ITGA8: variants seen among roughly 807,000 people sequenced by gnomAD.
ITGA8 encodes the protein integrin subunit alpha 8, also known as integrin alpha-8.
A neutral mutation model predicts 142.3 loss-of-function variants in ITGA8; 91 were observed. That is an observed-to-expected ratio of 0.64 (90% CI 0.54 to 0.76). ITGA8 has a LOEUF of 0.76. Ranked by LOEUF, ITGA8 falls within the 30% of genes least tolerant of loss-of-function variation. The pLI is 0.00. For missense variants in ITGA8, 1,406 were observed against 1,327.7 expected (o/e 1.06, Z -0.92); for synonymous variants, 505 against 485.2 (o/e 1.04, Z -0.54).
intron 2 of ITGA8, among the ~76,000 whole-genome samples, chr10:15,692,201 G>C (rs1006894562): frequency 6.6e-6 from 1 of 151,814 alleles, no homozygotes; most frequent in African/African-American, 2.4e-5. Context: ...CCAAAGTGCT[G>C]GGATTACAGG....
At position 15,517,590 on chromosome 10, in the gene ITGA8, C is replaced by T. The variant is rs1341681853; in HGVS notation, c.3106-346G>A. Reference sequence around the variant, plus strand: ...CCACCTGTCTCAGCTTCCCAAAGTGCTGGGATTACAGGCGTGAGCCACCAC... The same window carrying T: ...CCACCTGTCTCAGCTTCCCAAAGTGTTGGGATTACAGGCGTGAGCCACCAC... On this transcript the variant is annotated intron_variant, in intron 29 of 29. Coordinates refer to ENST00000378076, the MANE Select transcript of ITGA8 (RefSeq NM_003638.3). Among the ~76,000 whole-genome samples, 9 of 152,228 alleles carry T rather than the reference C, an allele frequency of 5.9e-5. No homozygotes were observed. The East Asian group carries it at 7.7e-4, about 13-fold the overall frequency.
intron 4 of ITGA8, 133 bp downstream of exon 4, chr10:15,683,870 TC>T (rs1422612455): frequency 1.0e-6 from 1 of 961,966 alleles, no homozygotes; most frequent in African/African-American, 1.6e-5. Flanking sequence ...CTGACAAAAA[TC>T]TTTACCTACC....
rs9333108 is a variant in ITGA8 at position 15,661,327 on chromosome 10, T to G, written c.848-405A>C. 8.9e-3 allele frequency among the ~76,000 whole-genome samples: 1,351 copies of G among 152,216 alleles called. 15 individuals carry two copies. The highest frequency in any genetic ancestry group is 0.029 in the African/African-American group (1,225 of 41,538). ...CTAACTAATGCCTGATGATCTGAGGTGAAACAGTTTCATCCCAAAACCATC... is the reference window on the plus strand; with the variant it reads ...CTAACTAATGCCTGATGATCTGAGGGGAAACAGTTTCATCCCAAAACCATC... On this transcript the variant is annotated intron_variant, in intron 8 of 29. Transcript: ENST00000378076.
intron 8 of ITGA8, among the ~76,000 whole-genome samples, chr10:15,666,645 G>T (rs966413311): frequency 1.3e-5 from 2 of 152,144 alleles, no homozygotes; most frequent in Non-Finnish European, 2.9e-5. Context: ...GTATGATATT[G>T]GCTGTGGGTT....
intron 7 of ITGA8, among the ~76,000 whole-genome samples, chr10:15,672,419 A>G (rs1303134142): frequency 1.3e-5 from 2 of 152,216 alleles, no homozygotes; most frequent in Non-Finnish European, 2.9e-5. Context: ...GGAGCCAACA[A>G]AATAGCTGCT....
At chr10:15,588,977 G>A (rs1832877810) in intron 22 of ITGA8, among the ~76,000 whole-genome samples, 1 of 152,184 alleles carries the variant, frequency 6.6e-6, no homozygotes, top group African/African-American at 2.4e-5. Flanking sequence ...TGTAAGAAAG[G>A]AACCAGGCTT....
At chr10:15,527,906 C>CATT (rs1477496379) in intron 28 of ITGA8, among the ~76,000 whole-genome samples, 1 of 78,036 alleles carries the variant, frequency 1.3e-5, no homozygotes, top group African/African-American at 5.3e-5. Context: ...TTCGGCTGGG[C>CATT]TTTTTTTTTT....
intron 2 of ITGA8, among the ~76,000 whole-genome samples, chr10:15,700,311 G>A (rs889600035): frequency 2.0e-5 from 3 of 152,098 alleles, no homozygotes; most frequent in Admixed American, 2.0e-4. Flanking sequence ...GCCCCTGATT[G>A]CTTCTCCAAT....
At chr10:15,707,961 G>C (rs11253610) in intron 2 of ITGA8, among the ~76,000 whole-genome samples, 5 of 144,872 alleles carry the variant, frequency 3.5e-5, no homozygotes, top group South Asian at 2.3e-4. Flanking sequence ...TGCACACACC[G>C]ACACACACAC....
intron 21 of ITGA8, among the ~76,000 whole-genome samples, chr10:15,594,027 A>G (rs1832971811): frequency 6.6e-6 from 1 of 151,880 alleles, no homozygotes; most frequent in African/African-American, 2.4e-5. Flanking sequence ...TTTTTAGAAG[A>G]GACGGGGTTT....
At chr10:15,635,918 TACACACACAC>T (rs4030579) in intron 13 of ITGA8, among the ~76,000 whole-genome samples, 14 of 143,126 alleles carry the variant, frequency 9.8e-5, no homozygotes, top group Admixed American at 2.1e-4. Flanking sequence ...TTGCTTATAC[TACACACACAC>T]ACACACACAC....
chr10:15,688,138 A>G, intron 2 of ITGA8, 100 bp from the exon 3 acceptor site: 1 of 792,120 alleles, frequency 1.3e-6, no homozygotes, highest in Non-Finnish European at 2.1e-6. Flanking sequence ...ACTAATACCA[A>G]TCCTTGTCAA....
chr10:15,627,445 C>T (rs1833605407), intron 13 of ITGA8, among the ~76,000 whole-genome samples: 1 of 152,140 alleles, frequency 6.6e-6, no homozygotes, highest in African/African-American at 2.4e-5. Flanking sequence ...GTGAACTTCT[C>T]TTAGGGTTGA....
At chr10:15,677,011 G>GA (rs774005497) in intron 6 of ITGA8, among the ~76,000 whole-genome samples, 30 of 151,750 alleles carry the variant, frequency 2.0e-4, no homozygotes, top group African/African-American at 2.9e-4. Context: ...CTCTGTCTCA[G>GA]AAAAAAAACA....
intron 21 of ITGA8, among the ~76,000 whole-genome samples, chr10:15,592,872 A>G (rs9333171): frequency 1.6e-3 from 251 of 152,298 alleles, no homozygotes; most frequent in African/African-American, 5.9e-3. Context: ...GATTACAAGC[A>G]TGAACCACCA....
At chr10:15,689,686 C>T (rs554146150) in intron 2 of ITGA8, among the ~76,000 whole-genome samples, 16 of 152,336 alleles carry the variant, frequency 1.1e-4, no homozygotes, top group Admixed American at 7.8e-4. Flanking sequence ...GAGTGCATCC[C>T]GCTCTGGGGG....
chr10:15,605,744 G>A lies in ITGA8; in HGVS notation c.1950C>T (p.Asp650=). The A allele has an allele frequency of 6.2e-7, 1 of 1,613,420 alleles. No individual in the cohort carries two copies. The highest frequency in any genetic ancestry group is 8.5e-7 in the Non-Finnish European group (1 of 1,179,392). The change falls in exon 19 of 30, where the codon GAC becomes GAT. Residue 650 remains aspartate, a synonymous_variant. Transcript: ENST00000378076. The part of the protein sequence containing the change: ...DCGEDNLCVP[D]LKLSARPDKH... ...CTTACGGTCTAGCCGACAGCTTCAA[G>A]TCAGGAACACACAGATTGTCTTCTC...
intron 13 of ITGA8, among the ~76,000 whole-genome samples, chr10:15,619,978 A>G (rs1197943061): frequency 1.3e-5 from 2 of 152,256 alleles, no homozygotes; most frequent in Non-Finnish European, 2.9e-5. Context: ...GAATTTTAAG[A>G]ATTGATTCTC....
intron 13 of ITGA8, among the ~76,000 whole-genome samples, chr10:15,642,241 C>T (rs1833884788): frequency 6.6e-6 from 1 of 152,140 alleles, no homozygotes; most frequent in African/African-American, 2.4e-5. Context: ...GGGAGTATTC[C>T]TGGGGAGAAA....
Sources: gnomAD v4.1 joint callset for allele counts (sites outside exome capture counted in the v4.1 genomes callset) on GRCh38, gnomAD v4.1.1 for gene constraint, MANE v1.5 for transcripts, NCBI Gene and HGNC (gene_info 2026-07-23, HGNC 2026-07-21) for gene names.